The following HHAT variants were observed in gnomAD, a reference collection of about 807,000 sequenced individuals.
HHAT encodes hedgehog acyltransferase.
Under a neutral mutation model 70.8 loss-of-function variants are expected in HHAT, and 47 were observed. That is an observed-to-expected ratio of 0.66 (90% CI 0.53 to 0.85). HHAT has a LOEUF of 0.85. Among genes scored for constraint, HHAT ranks in the 40% least tolerant of loss-of-function variants. HHAT has a pLI of 0.00. For synonymous variants in HHAT, 228 were observed against 247.6 expected (o/e 0.92, Z 0.74); for missense variants, 609 against 604.8 (o/e 1.01, Z -0.07).
chr1:210,440,012 C>G (rs748400018), intron 7 of HHAT, among the ~76,000 whole-genome samples: 1 of 151,742 alleles, frequency 6.6e-6, no homozygotes, highest in South Asian at 2.1e-4. Flanking sequence ...TTATTGAGCC[C>G]GCTGACTAGA....
At chr1:210,655,929 G>C (rs1325996773) in intron 11 of HHAT, among the ~76,000 whole-genome samples, 1 of 151,958 alleles carries the variant, frequency 6.6e-6, no homozygotes, top group Non-Finnish European at 1.5e-5. Flanking sequence ...AGAATTACAA[G>C]GGACCTTTGT....
intron 8 of HHAT, among the ~76,000 whole-genome samples, chr1:210,508,669 C>T (rs1037598701): frequency 4.6e-5 from 7 of 152,210 alleles, no homozygotes; most frequent in African/African-American, 1.7e-4. Context: ...TTCTTCCAGC[C>T]AGTAAGATAG....
rs185364010 is a variant in HHAT, at chr1:210,642,416, G to A, written c.1390+18746G>A. Among the ~76,000 whole-genome samples, 5 of 152,312 alleles carry A rather than the reference G, an allele frequency of 3.3e-5. No individual in the cohort carries two copies. In the East Asian group the frequency reaches 9.6e-4, roughly 29 times the overall value. On this transcript the variant is annotated intron_variant, in intron 11 of 11. Coordinates refer to ENST00000261458, the MANE Select transcript of HHAT (RefSeq NM_018194.6). ...GGGTCTTATAATATGTGTATGTTCA[G>A]CTTCAGTAGAAGTGGCCAGTTTTCC...
Position 210,358,618 on chromosome 1 carries a change from A to G in HHAT, c.92-4234A>G, listed in dbSNP as rs1341012697. ...TTTCTGTGCCCCCTTCCCATTCTCA[A>G]TGACTACCACAGTCTATTGTACTCA... On this transcript the variant is annotated intron_variant, in intron 2 of 11. Transcript: ENST00000261458. Among the ~76,000 whole-genome samples, 6 of 152,136 alleles carry G rather than the reference A, an allele frequency of 3.9e-5. No individual in the cohort carries two copies. In the East Asian group the frequency reaches 5.8e-4, roughly 15 times the overall value.
At chr1:210,501,484 G>A (rs1027706362) in intron 8 of HHAT, among the ~76,000 whole-genome samples, 4 of 152,222 alleles carry the variant, frequency 2.6e-5, no homozygotes, top group African/African-American at 9.6e-5. Context: ...TCATAGAGGG[G>A]TGGTGGAGTG....
In HHAT at chr1:210,404,685, G is replaced by A. The variant is rs150829967; in HGVS notation, c.684+6G>A. Reference sequence around the variant, plus strand: ...TCTCGGAGTTCATCAAACAGGTAGAGCCCGCTGGGGATGGGATTGGGATTC... The same window carrying A: ...TCTCGGAGTTCATCAAACAGGTAGAACCCGCTGGGGATGGGATTGGGATTC... On this transcript the variant is annotated splice_donor_region_variant and intron_variant, in intron 6 of 11. Coordinates refer to ENST00000261458, the MANE Select transcript of HHAT (RefSeq NM_018194.6). 14 of 1,607,378 alleles carry A rather than the reference G, an allele frequency of 8.7e-6. No homozygotes were observed. Among genetic ancestry groups the A allele is most frequent in the Non-Finnish European group, 1.1e-5 (13 of 1,174,364 alleles).
At chr1:210,445,755 A>G (rs530718304) in intron 7 of HHAT, among the ~76,000 whole-genome samples, 38 of 152,194 alleles carry the variant, frequency 2.5e-4, no homozygotes, top group African/African-American at 9.2e-4. Flanking sequence ...ATTGATTTCT[A>G]TTTAGAAGGC....
intron 2 of HHAT, among the ~76,000 whole-genome samples, chr1:210,360,436 G>C (rs1176872349): frequency 6.6e-6 from 1 of 151,824 alleles, no homozygotes; most frequent in South Asian, 2.1e-4. Context: ...TCAGCCTCCC[G>C]AGTAGCTGGG....
chr1:210,592,970 G>C (rs1200038635), intron 10 of HHAT, among the ~76,000 whole-genome samples: 1 of 151,198 alleles, frequency 6.6e-6, no homozygotes, highest in Admixed American at 6.6e-5. Context: ...ATGTTGGTGT[G>C]CTGCACCCAT....
chr1:210,359,595 C>G (rs528500398), intron 2 of HHAT, among the ~76,000 whole-genome samples: 4 of 152,136 alleles, frequency 2.6e-5, no homozygotes, highest in Non-Finnish European at 5.9e-5. Flanking sequence ...ACCAATCAGC[C>G]CTGGCCCTCT....
rs1004285885 is a variant in HHAT at position 210,450,117 on chromosome 1, C to T, written c.857-14388C>T. Among the ~76,000 whole-genome samples the T allele has an allele frequency of 3.9e-5, 6 of 152,030 alleles. No individual in the cohort carries two copies. The East Asian group carries it at 9.7e-4, about 25-fold the overall frequency. ...AGCCAGCCTGGCCAACATGGTGAAC[C>T]CCATCTCTACTAAAACTACAAAAAT... On this transcript the variant is annotated intron_variant, in intron 7 of 11. Coordinates refer to ENST00000261458, the MANE Select transcript of HHAT (RefSeq NM_018194.6).
At chr1:210,548,371 C>T (rs1189117147) in intron 9 of HHAT, among the ~76,000 whole-genome samples, 2 of 152,184 alleles carry the variant, frequency 1.3e-5, no homozygotes, top group East Asian at 3.8e-4. Flanking sequence ...AATGTTGTAT[C>T]CCCAGAGTCT....
intron 9 of HHAT, among the ~76,000 whole-genome samples, chr1:210,565,375 TC>T (rs1157008912): frequency 6.6e-6 from 1 of 152,230 alleles, no homozygotes; most frequent in Non-Finnish European, 1.5e-5. Flanking sequence ...CTTAGTCTGA[TC>T]TGGCATGTTC....
chr1:210,375,809 T>A (rs1408801079), intron 3 of HHAT, among the ~76,000 whole-genome samples: 2 of 151,744 alleles, frequency 1.3e-5, no homozygotes, highest in Admixed American at 1.3e-4. Flanking sequence ...GTCAGTTTTC[T>A]CTCTCTTGTT....
chr1:210,390,395 G>T (rs1263040254), intron 4 of HHAT, among the ~76,000 whole-genome samples: 1 of 152,106 alleles, frequency 6.6e-6, no homozygotes, highest in Non-Finnish European at 1.5e-5. Flanking sequence ...TAATAATAAA[G>T]AATTCGTTTC....
rs12125475 is a variant in HHAT at position 210,457,748 on chromosome 1, G to C, written c.857-6757G>C. Among the ~76,000 whole-genome samples, 643 of 152,264 alleles carry C rather than the reference G, an allele frequency of 4.2e-3. 5 individuals carry two copies. Among genetic ancestry groups the C allele is most frequent in the Non-Finnish European group, 7.8e-3 (531 of 68,022 alleles). ...TTGGTGAGTTGTTCTCCAGGTCTGT[G>C]GGGGAATTAACAATTCAAAAGGTGA... On this transcript the variant is annotated intron_variant, in intron 7 of 11. Coordinates refer to ENST00000261458, the MANE Select transcript of HHAT (RefSeq NM_018194.6).
chr1:210,513,493 T>G (rs1002242672), intron 9 of HHAT, among the ~76,000 whole-genome samples: 12 of 152,226 alleles, frequency 7.9e-5, no homozygotes, highest in Non-Finnish European at 1.8e-4. Flanking sequence ...CAGCTTGTAT[T>G]CAGACGTTAA....
At chr1:210,515,837 G>A (rs1453133461) in intron 9 of HHAT, among the ~76,000 whole-genome samples, 2 of 151,828 alleles carry the variant, frequency 1.3e-5, no homozygotes, top group East Asian at 3.9e-4. Flanking sequence ...GGAGGCCAAG[G>A]CAGGCAGATC....
At chr1:210,333,810 A>G (rs559142154) in intron 1 of HHAT, among the ~76,000 whole-genome samples, 2 of 152,156 alleles carry the variant, frequency 1.3e-5, no homozygotes, top group East Asian at 3.9e-4. Context: ...GATGTTCACC[A>G]CCGTGCCTGG....
Sources: allele counts gnomAD v4.1 joint callset (sites outside exome capture counted in the v4.1 genomes callset), GRCh38; gene constraint gnomAD v4.1.1; transcripts MANE v1.5; gene names NCBI Gene and HGNC (gene_info 2026-07-23, HGNC 2026-07-21).